GFRA1: variants seen among roughly 807,000 people sequenced by gnomAD.
The protein encoded by GFRA1 is GDNF family receptor alpha-1.
Under a neutral mutation model 51.6 loss-of-function variants are expected in GFRA1, and 16 were observed. The observed-to-expected ratio is 0.31, with a 90% CI of 0.21 to 0.47. GFRA1 has a LOEUF of 0.47. Among genes scored for constraint, GFRA1 ranks in the 20% least tolerant of loss-of-function variants. The pLI is 1.00. For synonymous variants in GFRA1, 270 were observed against 241.3 expected, an observed-to-expected ratio of 1.12 and a Z score of -1.10; for missense variants, 530 against 594.3, an observed-to-expected ratio of 0.89 and a Z score of 1.13.
intron 5 of GFRA1, among the ~76,000 whole-genome samples, chr10:116,186,860 T>C (rs980268072): frequency 1.3e-5 from 2 of 152,148 alleles, no homozygotes; most frequent in Non-Finnish European, 2.9e-5. Flanking sequence ...ACCCCGGCCC[T>C]TGCGAGCTTG....
At chr10:116,126,451 G>A (rs1957882254) in intron 5 of GFRA1, among the ~76,000 whole-genome samples, 1 of 152,256 alleles carries the variant, frequency 6.6e-6, no homozygotes, top group Admixed American at 6.5e-5. Flanking sequence ...CTCGGTGCCT[G>A]GGCAGGCAGG....
chr10:116,204,601 A>G (rs978086812), intron 5 of GFRA1, among the ~76,000 whole-genome samples: 3 of 152,222 alleles, frequency 2.0e-5, no homozygotes, highest in Non-Finnish European at 4.4e-5. Context: ...GAAGTGCTCA[A>G]AAGGTTACTT....
chr10:116,166,238 G>A (rs907081423), intron 5 of GFRA1, among the ~76,000 whole-genome samples: 4 of 152,144 alleles, frequency 2.6e-5, no homozygotes, highest in African/African-American at 4.8e-5. Flanking sequence ...TTGCTATTGT[G>A]GGTAGTGTTG....
At chr10:116,066,801 C>T (rs190753089) in intron 9 of GFRA1, among the ~76,000 whole-genome samples, 2 of 152,286 alleles carry the variant, frequency 1.3e-5, no homozygotes, top group East Asian at 1.9e-4. Context: ...AGACAGAGAG[C>T]TTATTTGTCA....
intron 5 of GFRA1, among the ~76,000 whole-genome samples, chr10:116,203,557 A>G (rs941490795): frequency 1.3e-5 from 2 of 152,224 alleles, no homozygotes; most frequent in African/African-American, 4.8e-5. Flanking sequence ...CATCAGAGAG[A>G]GGCAGCTGGG....
In GFRA1 at chr10:116,196,734, A is replaced by G. The variant is rs1419878834; in HGVS notation, c.433+14897T>C. Among the ~76,000 whole-genome samples the G allele has an allele frequency of 5.2e-4, 52 of 99,642 alleles. 2 individuals carry two copies. Among genetic ancestry groups the G allele is most frequent in the Non-Finnish European group, 8.2e-4 (42 of 51,110 alleles). The allele number at this position is 99,642 out of a possible 152,430, so 65.4% of individuals were successfully genotyped here. A position where few individuals can be genotyped will look rare whatever the true frequency, so the allele number is the denominator to read the frequency against. ...TATATAGTACTATATATAATATATA[A>G]TACTATATATAATATATATTATATA... On this transcript the variant is annotated intron_variant, in intron 5 of 10. Transcript: ENST00000355422.
chr10:116,234,245 A>G (rs1233758127), intron 4 of GFRA1, among the ~76,000 whole-genome samples: 1 of 152,126 alleles, frequency 6.6e-6, no homozygotes, highest in Non-Finnish European at 1.5e-5. Flanking sequence ...AGATATGGAA[A>G]CCTATTCAAT....
At chr10:116,130,110 A>G (rs79205108) in intron 5 of GFRA1, among the ~76,000 whole-genome samples, 77 of 151,704 alleles carry the variant, frequency 5.1e-4, no homozygotes, top group African/African-American at 1.8e-3. Flanking sequence ...TAAAAGGAAT[A>G]TAACAAAAGA....
intron 4 of GFRA1, among the ~76,000 whole-genome samples, chr10:116,238,804 C>A (rs968323684): frequency 6.6e-6 from 1 of 152,124 alleles, no homozygotes; most frequent in East Asian, 1.9e-4. Context: ...AACAAATGGT[C>A]ATTTTTTTTA....
chr10:116,093,782 C>G lies in GFRA1; in HGVS notation c.935G>C (p.Trp312Ser). The part of the protein sequence containing the change: ...IDSSSLSVAP[W>S]CDCSNSGNDL... Reference sequence around the variant, plus strand: ...GTTCCCACTGTTGCTGCAGTCACACCATGGGGCCACACTGAGGCTACTGGA... The same window carrying G: ...GTTCCCACTGTTGCTGCAGTCACACGATGGGGCCACACTGAGGCTACTGGA... Residue 312 changes from tryptophan to serine, a missense_variant, in exon 8 of 11, where the codon TGG becomes TCG. Transcript: ENST00000355422. The G allele has an allele frequency of 6.2e-7, 1 of 1,613,800 alleles. No homozygotes were observed. The highest frequency in any genetic ancestry group is 8.5e-7 in the Non-Finnish European group (1 of 1,179,672).
chr10:116,273,936 T>A (rs1177778195), upstream of GFRA1, among the ~76,000 whole-genome samples: 1 of 152,054 alleles, frequency 6.6e-6, no homozygotes, highest in African/African-American at 2.4e-5. Context: ...CACGCACACA[T>A]GCACACGCAG....
At chr10:116,142,102 T>C (rs73370406) in intron 5 of GFRA1, among the ~76,000 whole-genome samples, 1,905 of 148,410 alleles carry the variant, frequency 0.013, 39 homozygotes, top group African/African-American at 0.044. Context: ...TACGAATGGT[T>C]GCTGAATGGA....
intron 5 of GFRA1, among the ~76,000 whole-genome samples, chr10:116,146,107 T>C (rs2134114158): frequency 6.6e-6 from 1 of 152,216 alleles, no homozygotes; most frequent in East Asian, 1.9e-4. Context: ...TATGTGAGTA[T>C]ATATGATAAT....
intron 4 of GFRA1, among the ~76,000 whole-genome samples, chr10:116,267,459 C>T (rs1037107487): frequency 6.6e-6 from 1 of 151,810 alleles, no homozygotes; most frequent in Non-Finnish European, 1.5e-5. Context: ...GGTGGCAGAA[C>T]AAGACTTCGT....
intron 5 of GFRA1, among the ~76,000 whole-genome samples, chr10:116,149,177 C>T (rs893524684): frequency 6.6e-6 from 1 of 152,040 alleles, no homozygotes; most frequent in African/African-American, 2.4e-5. Context: ...TCAACATGCT[C>T]GAGAATACTT....
rs566239726 is a variant in GFRA1, at chr10:116,061,901, A to G, written c.*2497T>C. 2.0e-5 allele frequency: 8 copies of G among 398,124 alleles called. No homozygotes were observed. The highest frequency in any genetic ancestry group is 4.1e-5 in the African/African-American group (2 of 48,742). The allele number at this position is 398,124 out of a possible 1,614,324, so 24.7% of individuals were successfully genotyped here. ...CGGAAACCTTGCTTGGCTTGCTTTG[A>G]TAAGAATCTCTCTAACGTGTTGTCC... On this transcript the variant is annotated 3_prime_UTR_variant, in exon 11 of 11. Transcript: ENST00000355422.
intron 6 of GFRA1, among the ~76,000 whole-genome samples, chr10:116,109,469 T>C (rs1262393809): frequency 1.3e-5 from 2 of 152,188 alleles, no homozygotes; most frequent in Non-Finnish European, 2.9e-5. Context: ...AAATAATATC[T>C]GTTGTTACTG....
intron 4 of GFRA1, among the ~76,000 whole-genome samples, chr10:116,238,666 A>G (rs1408252442): frequency 2.6e-5 from 4 of 152,240 alleles, no homozygotes; most frequent in Middle Eastern, 3.2e-3. Flanking sequence ...CAATGAAGGA[A>G]TAATGTCCTC....
At chr10:116,089,975 A>T in intron 8 of GFRA1, 53 bp from the exon 9 acceptor site, 1 of 1,496,522 alleles carries the variant, frequency 6.7e-7, no homozygotes. Flanking sequence ...CAAACGTAAC[A>T]GACAGGATAT....
Sources: gnomAD v4.1 joint callset for allele counts (sites outside exome capture counted in the v4.1 genomes callset) on GRCh38, gnomAD v4.1.1 for gene constraint, MANE v1.5 for transcripts, NCBI Gene and HGNC (gene_info 2026-07-23, HGNC 2026-07-21) for gene names.